The following UNC5D variants were observed in gnomAD, a reference collection of about 807,000 sequenced individuals.
UNC5D encodes the protein netrin receptor UNC5D.
In UNC5D, 39 loss-of-function variants were observed where a neutral mutation model predicts 105.4. That is an observed-to-expected ratio of 0.37 (90% CI 0.29 to 0.48). The LOEUF (loss-of-function observed/expected upper bound fraction) is 0.48, where lower values mean the gene tolerates loss of function less well. Ranked by LOEUF, UNC5D falls within the 20% of genes least tolerant of loss-of-function variation. UNC5D has a pLI of 0.98. For missense variants in UNC5D, 991 were observed against 1,202.4 expected (o/e 0.82, Z 2.60); for synonymous variants, 452 against 450.4 (o/e 1.00, Z -0.04).
intron 4 of UNC5D, among the ~76,000 whole-genome samples, chr8:35,671,815 T>C (rs563745451): frequency 4.6e-5 from 7 of 152,222 alleles, no homozygotes; most frequent in African/African-American, 1.7e-4. Context: ...GGTTTTTTTT[T>C]CAGGACGATT....
At chr8:35,608,661 C>T (rs1332619240) in intron 4 of UNC5D, among the ~76,000 whole-genome samples, 1 of 152,210 alleles carries the variant, frequency 6.6e-6, no homozygotes, top group Non-Finnish European at 1.5e-5. Context: ...TTAGCTCCAA[C>T]TTACATGTGA....
At chr8:35,741,842 T>TG (rs1463286569) in intron 11 of UNC5D, among the ~76,000 whole-genome samples, 1 of 152,100 alleles carries the variant, frequency 6.6e-6, no homozygotes, top group East Asian at 1.9e-4. Flanking sequence ...ATGTAGAAAA[T>TG]GCAGGTTCCT....
In UNC5D at chr8:35,595,779, G is replaced by C. The variant is rs1819455146; in HGVS notation, c.570+122G>C. On this transcript the variant is annotated intron_variant, in intron 4 of 16. Coordinates refer to ENST00000404895, the MANE Select transcript of UNC5D (RefSeq NM_080872.4). ...CCCATGTCTGGGATTCTTGTTGCCTGGGCTCAGTTGCTAAACACGGTGAAG... is the reference window on the plus strand; with the variant it reads ...CCCATGTCTGGGATTCTTGTTGCCTCGGCTCAGTTGCTAAACACGGTGAAG... The C allele has an allele frequency of 1.8e-5, 14 of 774,366 alleles. No individual in the cohort carries two copies. The South Asian group carries it at 2.4e-4, about 13-fold the overall frequency. 48.0% of individuals were successfully genotyped at this position (774,366 alleles called of 1,614,324 possible).
intron 1 of UNC5D, among the ~76,000 whole-genome samples, chr8:35,391,440 G>A (rs1803764888): frequency 6.6e-6 from 1 of 152,134 alleles, no homozygotes; most frequent in Non-Finnish European, 1.5e-5. Flanking sequence ...TTCAATTAAT[G>A]TATATTTTTA....
intron 10 of UNC5D, 136 bp from the exon 11 acceptor site, chr8:35,730,876 C>T (rs1487395908): frequency 1.4e-6 from 1 of 702,440 alleles, no homozygotes; most frequent in African/African-American, 1.8e-5. Flanking sequence ...GAACCTTAAA[C>T]TTTCCAAGGA....
chr8:35,510,474 A>G (rs1278149910), intron 1 of UNC5D, among the ~76,000 whole-genome samples: 2 of 152,164 alleles, frequency 1.3e-5, no homozygotes, highest in Non-Finnish European at 2.9e-5. Context: ...TGCACCTGTG[A>G]TCAGTTATCA....
intron 4 of UNC5D, among the ~76,000 whole-genome samples, chr8:35,679,260 G>C (rs1233435553): frequency 6.6e-6 from 1 of 151,962 alleles, no homozygotes; most frequent in Admixed American, 6.6e-5. Context: ...AAATAAAAAG[G>C]AAAAAAGACT....
chr8:35,780,594 G>A (rs1366270005), intron 16 of UNC5D, among the ~76,000 whole-genome samples: 1 of 152,190 alleles, frequency 6.6e-6, no homozygotes, highest in African/African-American at 2.4e-5. Context: ...AAAAAAAAGA[G>A]GGAAGATGAT....
chr8:35,773,104 T>G (rs1012095511), intron 15 of UNC5D, among the ~76,000 whole-genome samples: 29 of 152,310 alleles, frequency 1.9e-4, no homozygotes, highest in African/African-American at 7.0e-4. Flanking sequence ...TTAGGGACAT[T>G]AATTACATCA....
At chr8:35,394,696 G>A (rs1803992430) in intron 1 of UNC5D, among the ~76,000 whole-genome samples, 1 of 151,876 alleles carries the variant, frequency 6.6e-6, no homozygotes, top group Non-Finnish European at 1.5e-5. Flanking sequence ...AATGAGATAC[G>A]ACCAAAAAGG....
chr8:35,337,534 G>A (rs967193484), intron 1 of UNC5D, among the ~76,000 whole-genome samples: 2 of 152,158 alleles, frequency 1.3e-5, no homozygotes, highest in Non-Finnish European at 2.9e-5. Flanking sequence ...CATCAAGAAA[G>A]CAGTCAGCTT....
intron 1 of UNC5D, among the ~76,000 whole-genome samples, chr8:35,487,341 T>G (rs576997094): frequency 1.3e-5 from 2 of 152,216 alleles, no homozygotes; most frequent in East Asian, 3.9e-4. Flanking sequence ...GAGTACAGAT[T>G]ACCCCTCATA....
chr8:35,546,758 T>C (rs905197440), intron 1 of UNC5D, among the ~76,000 whole-genome samples: 12 of 152,204 alleles, frequency 7.9e-5, no homozygotes, highest in Non-Finnish European at 1.5e-5. Context: ...CAAATTAATA[T>C]GTGATTTATT....
chr8:35,328,556 C>T (rs937705210), intron 1 of UNC5D, among the ~76,000 whole-genome samples: 9 of 152,152 alleles, frequency 5.9e-5, no homozygotes, highest in Admixed American at 5.2e-4. Context: ...AATTATCCAA[C>T]TTGTGCTTCA....
At chr8:35,400,904 G>T (rs1015915265) in intron 1 of UNC5D, among the ~76,000 whole-genome samples, 2 of 152,068 alleles carry the variant, frequency 1.3e-5, no homozygotes, top group African/African-American at 4.8e-5. Context: ...CAGTGGAGGG[G>T]GCATGTATAT....
chr8:35,544,183 C>T (rs7002972), intron 1 of UNC5D, among the ~76,000 whole-genome samples: 21,733 of 152,100 alleles, frequency 0.14, 1,940 homozygotes, highest in Admixed American at 0.24. Context: ...CAATCTGTAG[C>T]TACTTGGTAA....
chr8:35,668,053 G>A (rs544731743), intron 4 of UNC5D, among the ~76,000 whole-genome samples: 1 of 151,986 alleles, frequency 6.6e-6, no homozygotes, highest in Non-Finnish European at 1.5e-5. Context: ...TACCAATTTC[G>A]ATTCATCAAA....
At chr8:35,275,957 A>G (rs1805747008) in intron 1 of UNC5D, among the ~76,000 whole-genome samples, 1 of 152,202 alleles carries the variant, frequency 6.6e-6, no homozygotes, top group Non-Finnish European at 1.5e-5. Flanking sequence ...GGATATGTCC[A>G]TGTACTGAGT....
intron 4 of UNC5D, among the ~76,000 whole-genome samples, chr8:35,678,431 G>T (rs1033555595): frequency 1.3e-5 from 2 of 152,086 alleles, no homozygotes; most frequent in Non-Finnish European, 2.9e-5. Flanking sequence ...AAATAAAAGA[G>T]ATTTTTTTTA....
Sources: allele counts gnomAD v4.1 joint callset (sites outside exome capture counted in the v4.1 genomes callset), GRCh38; gene constraint gnomAD v4.1.1; transcripts MANE v1.5; gene names NCBI Gene and HGNC (gene_info 2026-07-23, HGNC 2026-07-21).